ATP8A1: variants seen among roughly 807,000 people sequenced by gnomAD.
ATP8A1 encodes phospholipid-transporting ATPase IA.
Under a neutral mutation model 177.7 loss-of-function variants are expected in ATP8A1, and 90 were observed. That is an observed-to-expected ratio of 0.51 (90% CI 0.43 to 0.60). The LOEUF is 0.60. Among genes scored for constraint, ATP8A1 ranks in the 20% least tolerant of loss-of-function variants. ATP8A1 has a pLI of 0.00. For missense variants in ATP8A1, 1,072 were observed against 1,392.8 expected, an observed-to-expected ratio of 0.77 and a Z score of 3.67; for synonymous variants, 493 against 485.9, an observed-to-expected ratio of 1.01 and a Z score of -0.19.
At chr4:42,444,269 A>C (rs976974804) in intron 32 of ATP8A1, among the ~76,000 whole-genome samples, 1 of 152,232 alleles carries the variant, frequency 6.6e-6, no homozygotes, top group African/African-American at 2.4e-5. Flanking sequence ...GACACCTCTA[A>C]GAAAAGACTT....
intron 8 of ATP8A1, among the ~76,000 whole-genome samples, chr4:42,587,313 T>TTC (rs1190475755): frequency 2.0e-5 from 3 of 148,222 alleles, no homozygotes; most frequent in African/African-American, 7.4e-5. Context: ...TTCTTTTCTT[T>TTC]TTTTTTTTTT....
At chr4:42,623,316 C>G (rs1271030282) in intron 4 of ATP8A1, among the ~76,000 whole-genome samples, 1 of 152,098 alleles carries the variant, frequency 6.6e-6, no homozygotes, top group Non-Finnish European at 1.5e-5. Context: ...AAGACAAATA[C>G]CACTTGACCC....
At chr4:42,531,393 A>G (rs1560427707) in intron 20 of ATP8A1, among the ~76,000 whole-genome samples, 1 of 152,222 alleles carries the variant, frequency 6.6e-6, no homozygotes, top group Non-Finnish European at 1.5e-5. Context: ...TTACGACTAC[A>G]TGACCAGCTG....
chr4:42,480,427 A>G (rs915775193), intron 25 of ATP8A1, among the ~76,000 whole-genome samples: 1 of 152,250 alleles, frequency 6.6e-6, no homozygotes, highest in African/African-American at 2.4e-5. Flanking sequence ...GGAAGCAAAT[A>G]TAGGGTTGAC....
intron 20 of ATP8A1, among the ~76,000 whole-genome samples, chr4:42,529,048 T>C (rs145890413): frequency 6.6e-6 from 1 of 152,248 alleles, no homozygotes; most frequent in Non-Finnish European, 1.5e-5. Flanking sequence ...TCACATTCCT[T>C]ATCTAGGTGT....
chr4:42,492,831 C>T (rs1722861575), intron 24 of ATP8A1, among the ~76,000 whole-genome samples: 1 of 152,244 alleles, frequency 6.6e-6, no homozygotes, highest in African/African-American at 2.4e-5. Context: ...TCACCTTTGT[C>T]AGAATGAACA....
intron 15 of ATP8A1, among the ~76,000 whole-genome samples, chr4:42,556,460 C>A (rs1730247093): frequency 6.6e-6 from 1 of 151,948 alleles, no homozygotes. Context: ...CATGAGAAAT[C>A]TTTATATGTA....
intron 1 of ATP8A1, among the ~76,000 whole-genome samples, chr4:42,628,326 G>C (rs1738335504): frequency 6.6e-6 from 1 of 152,200 alleles, no homozygotes; most frequent in South Asian, 2.1e-4. Context: ...ACAAAGGTGA[G>C]AAGCATGAGC....
chr4:42,654,705 CAG>C (rs1741450564), intron 1 of ATP8A1, among the ~76,000 whole-genome samples: 2 of 152,294 alleles, frequency 1.3e-5, no homozygotes, highest in South Asian at 2.1e-4. Flanking sequence ...ATGATTAACA[CAG>C]AGACTCTTTT....
chr4:42,444,957 T>A (rs577135248), intron 31 of ATP8A1, among the ~76,000 whole-genome samples: 1 of 152,350 alleles, frequency 6.6e-6, no homozygotes, highest in East Asian at 1.9e-4. Context: ...CAACAGCACA[T>A]GCCTGGGTTA....
intron 23 of ATP8A1, among the ~76,000 whole-genome samples, chr4:42,506,330 C>T (rs976213292): frequency 2.6e-4 from 39 of 152,310 alleles, no homozygotes; most frequent in African/African-American, 8.9e-4. Context: ...TGTGAGAACA[C>T]AGTTAAGAAG....
Position 42,627,090 on chromosome 4 carries a change from A to T in ATP8A1, c.69T>A (p.Asp23Glu). The change falls in exon 2 of 37, where the codon GAT (aspartate) becomes GAA (glutamate). Residue 23 changes from aspartate to glutamate, a missense_variant. Asp to Glu is a conservative substitution (Grantham distance 45). Coordinates refer to ENST00000381668, the MANE Select transcript of ATP8A1 (RefSeq NM_006095.2). The stretch of plus-strand genomic sequence containing the variant: ...CAGCCAGTGAGGTCTTCTCTGAAAC[A>T]TCATCTGTCTTCTCATAACCTTAAA... ...SRAEGYEKTD[D>E]VSEKTSLADQ... is the part of the protein sequence containing the mutation. 1.9e-6 allele frequency: 3 copies of T among 1,613,746 alleles called. No individual in the cohort carries two copies. The highest frequency in any genetic ancestry group is 2.5e-6 in the Non-Finnish European group (3 of 1,179,664).
At chr4:42,557,974 C>T (rs1730417832) in intron 15 of ATP8A1, among the ~76,000 whole-genome samples, 1 of 151,966 alleles carries the variant, frequency 6.6e-6, no homozygotes, top group Admixed American at 6.6e-5. Context: ...TTGCGGTGAG[C>T]CGAAACTGCA....
chr4:42,551,831 CAA>C (rs2153211122), intron 17 of ATP8A1, among the ~76,000 whole-genome samples: 1 of 152,218 alleles, frequency 6.6e-6, no homozygotes, highest in South Asian at 2.1e-4. Flanking sequence ...TGAGACATAA[CAA>C]TTCTTATGCT....
chr4:42,578,242 A>T lies in ATP8A1; in HGVS notation c.1128+18T>A. On this transcript the variant is annotated intron_variant, in intron 12 of 36. Coordinates refer to ENST00000381668, the MANE Select transcript of ATP8A1 (RefSeq NM_006095.2). ...AAAATTATTTTGTAGGGTGATAACA[A>T]TCATAATTCATATTTACCCAATTTA... The T allele has an allele frequency of 6.3e-7, 1 of 1,575,128 alleles. No homozygotes were observed. Among genetic ancestry groups the T allele is most frequent in the Admixed American group, 1.9e-5 (1 of 53,444 alleles).
chr4:42,560,147 T>C (rs982863040), intron 15 of ATP8A1, among the ~76,000 whole-genome samples: 1 of 152,172 alleles, frequency 6.6e-6, no homozygotes, highest in Non-Finnish European at 1.5e-5. Context: ...CACTGTCAAA[T>C]GAAAAGCTGG....
chr4:42,492,765 C>T (rs1278091704), intron 24 of ATP8A1, among the ~76,000 whole-genome samples: 2 of 152,216 alleles, frequency 1.3e-5, no homozygotes, highest in African/African-American at 4.8e-5. Context: ...ACCAGTTAAA[C>T]AAATAAGCAT....
At chr4:42,427,506 G>T (rs1367275920) in intron 33 of ATP8A1, among the ~76,000 whole-genome samples, 2 of 152,230 alleles carry the variant, frequency 1.3e-5, no homozygotes, top group African/African-American at 4.8e-5. Flanking sequence ...GTGTATGGTG[G>T]AATAGGTATT....
At chr4:42,417,462 T>C (rs1466199447) in intron 35 of ATP8A1, among the ~76,000 whole-genome samples, 1 of 152,196 alleles carries the variant, frequency 6.6e-6, no homozygotes, top group African/African-American at 2.4e-5. Flanking sequence ...AATTTTGAGT[T>C]TGTTTAATGC....
Sources: allele counts gnomAD v4.1 joint callset (sites outside exome capture counted in the v4.1 genomes callset), GRCh38; gene constraint gnomAD v4.1.1; transcripts MANE v1.5; gene names NCBI Gene and HGNC (gene_info 2026-07-23, HGNC 2026-07-21).